The following IQSEC2 variants were observed in gnomAD, a reference collection of about 807,000 sequenced individuals.
The protein encoded by IQSEC2 is IQ motif and Sec7 domain ArfGEF 2.
IQSEC2 carries 6 observed loss-of-function variants against 74.6 expected under a neutral mutation model. The observed-to-expected ratio is 0.08, with a 90% CI of 0.04 to 0.16. IQSEC2 has a LOEUF of 0.16. Among genes scored for constraint, IQSEC2 ranks in the 10% least tolerant of loss-of-function variants. IQSEC2 has a pLI of 1.00. For synonymous variants in IQSEC2, 494 were observed against 544.5 expected (o/e 0.91, Z 1.29); for missense variants, 734 against 1,306.2 (o/e 0.56, Z 6.75).
chrX:53,315,489 G>A (rs782775312), intron 1 of IQSEC2, among the ~76,000 whole-genome samples: 1 of 111,639 alleles, frequency 9.0e-6, no homozygotes, highest in African/African-American at 3.3e-5. Flanking sequence ...GGACCCTGAA[G>A]CCCAACTCCC....
intron 2 of IQSEC2, among the ~76,000 whole-genome samples, chrX:53,273,755 C>T (rs184656274): frequency 1.3e-4 from 15 of 112,173 alleles, no homozygotes; most frequent in Admixed American, 5.6e-4. Flanking sequence ...TCTTGCTGTG[C>T]GAGTATATAC....
At chrX:53,249,525 C>T (rs1490853708) in intron 5 of IQSEC2, among the ~76,000 whole-genome samples, 2 of 111,944 alleles carry the variant, frequency 1.8e-5, no homozygotes, top group African/African-American at 6.5e-5. Context: ...TTTTGCTTCT[C>T]CAAGCCTTGG....
chrX:53,312,004 G>A (rs781872232), intron 1 of IQSEC2, among the ~76,000 whole-genome samples: 10 of 111,334 alleles, frequency 9.0e-5, no homozygotes, highest in South Asian at 7.5e-4. Flanking sequence ...GATGTGAGCC[G>A]GCCAACCCTC....
At position 53,233,999 on chromosome X, in the gene IQSEC2, G is replaced by A. The variant is rs1458186234; in HGVS notation, c.*220C>T. 4 of 302,776 alleles carry A rather than the reference G, an allele frequency of 1.3e-5. No individual in the cohort carries two copies. The highest frequency in any genetic ancestry group is 2.8e-5 in the African/African-American group (1 of 35,940). 25.0% of individuals were successfully genotyped at this position (302,776 alleles called of 1,213,427 possible). A position where few individuals can be genotyped will look rare whatever the true frequency, so the allele number is the denominator to read the frequency against. On this transcript the variant is annotated 3_prime_UTR_variant, in exon 15 of 15. Transcript: ENST00000642864. The stretch of plus-strand genomic sequence containing the variant: ...ACTCCCCAGCGCTGGAGCACCCTGA[G>A]TCCAGGCTTCAAGTGGCAAGGATCC...
At chrX:53,295,711 A>C (rs782370304) in intron 1 of IQSEC2, among the ~76,000 whole-genome samples, 2 of 109,844 alleles carry the variant, frequency 1.8e-5, no homozygotes, top group South Asian at 7.9e-4. Context: ...GGGAAGACAG[A>C]GCAGAATGAC....
Position 53,248,021 on chromosome X carries a change from A to G in IQSEC2, c.2582+93T>C, listed in dbSNP as rs183039615. 76 of 1,033,422 alleles carry G rather than the reference A, an allele frequency of 7.4e-5. No individual in the cohort carries two copies. In the East Asian group the frequency reaches 2.3e-3, roughly 31 times the overall value. The allele number at this position is 1,033,422 out of a possible 1,213,427, so 85.2% of individuals were successfully genotyped here. A position where few individuals can be genotyped will look rare whatever the true frequency, so the allele number is the denominator to read the frequency against. On this transcript the variant is annotated intron_variant, in intron 7 of 14. Coordinates refer to ENST00000642864, the MANE Select transcript of IQSEC2 (RefSeq NM_001111125.3). ...TATCATCTCTGTTTTATGGTGAAGAAAGTATGAGGCTCAGAGAAGTGACTT... is the reference window on the plus strand; with the variant it reads ...TATCATCTCTGTTTTATGGTGAAGAGAGTATGAGGCTCAGAGAAGTGACTT...
Position 53,234,161 on chromosome X carries a change from G to C in IQSEC2, c.*58C>G. ...AACCGAGGAAGCAAAGAGGGTGCAA[G>C]GTCCCTCTCCTGTGGCTCCCCAGAC... On this transcript the variant is annotated 3_prime_UTR_variant, in exon 15 of 15. Coordinates refer to ENST00000642864, the MANE Select transcript of IQSEC2 (RefSeq NM_001111125.3). 3 of 490,973 alleles carry C rather than the reference G, an allele frequency of 6.1e-6. No individual in the cohort carries two copies. The East Asian group carries it at 1.3e-4, about 21-fold the overall frequency. 40.5% of individuals were successfully genotyped at this position (490,973 alleles called of 1,213,427 possible). A position where few individuals can be genotyped will look rare whatever the true frequency, so the allele number is the denominator to read the frequency against.
intron 2 of IQSEC2, among the ~76,000 whole-genome samples, chrX:53,271,042 CA>C (rs369719628): frequency 0.032 from 3,361 of 105,478 alleles, 137 homozygotes; most frequent in African/African-American, 0.11. Context: ...AACTGCCTAC[CA>C]AAAAAAAAAT....
intron 2 of IQSEC2, chrX:53,267,043 C>G (rs918493636): frequency 6.7e-6 from 7 of 1,039,149 alleles, no homozygotes; most frequent in Non-Finnish European, 8.8e-6. Flanking sequence ...CTTCCTCAGT[C>G]TCCTCCTCCT....
intron 2 of IQSEC2, among the ~76,000 whole-genome samples, chrX:53,274,452 CTTTTTTTTTTTTTTTTTT>C: frequency 2.1e-5 from 1 of 47,113 alleles, no homozygotes; most frequent in South Asian, 3.0e-3. Flanking sequence ...AGTTACATTT[CTTTTTTTTTTTTTTTTTT>C]TTTTTTTTTG....
chrX:53,236,034 T>G (rs2074123514), intron 13 of IQSEC2, among the ~76,000 whole-genome samples: 1 of 103,121 alleles, frequency 9.7e-6, no homozygotes, highest in African/African-American at 3.6e-5. Flanking sequence ...GAAGGAGGAG[T>G]GGAGGTACAG....
intron 1 of IQSEC2, among the ~76,000 whole-genome samples, chrX:53,317,294 C>G (rs1556879345): frequency 1.8e-5 from 2 of 111,771 alleles, no homozygotes; most frequent in African/African-American, 6.5e-5. Context: ...CTCACTCTAT[C>G]TGCACTAGAA....
At chrX:53,319,648 C>G (rs1007586134) in intron 1 of IQSEC2, among the ~76,000 whole-genome samples, 19 of 111,917 alleles carry the variant, frequency 1.7e-4, no homozygotes, top group Non-Finnish European at 2.6e-4. Flanking sequence ...GTCCCACCAA[C>G]CCAAGAGATA....
intron 3 of IQSEC2, 131 bp downstream of exon 3, chrX:53,255,669 T>C: frequency 1.3e-6 from 1 of 781,659 alleles, no homozygotes; most frequent in Non-Finnish European, 1.9e-6. Flanking sequence ...TGAAGGGTCC[T>C]GGGCCAGTCT....
intron 9 of IQSEC2, 120 bp from the exon 10 acceptor site, chrX:53,242,029 A>AC: frequency 1.1e-5 from 10 of 884,857 alleles, no homozygotes; most frequent in East Asian, 3.4e-5. Context: ...ACTCTGACAC[A>AC]AGGGGTATCA....
At chrX:53,228,072 C>T (rs999331929), downstream of IQSEC2, among the ~76,000 whole-genome samples, 1 of 111,158 alleles carries the variant, frequency 9.0e-6, no homozygotes, top group African/African-American at 3.3e-5. Flanking sequence ...CTTCCTGAGC[C>T]TTGATTTTCT....
rs2074087995 is a variant in IQSEC2 at position 53,234,165 on chromosome X, C to A, written c.*54G>T. ...GAGGAAGCAAAGAGGGTGCAAGGTC[C>A]CTCTCCTGTGGCTCCCCAGACTTTC... On this transcript the variant is annotated 3_prime_UTR_variant, in exon 15 of 15. Coordinates refer to ENST00000642864, the MANE Select transcript of IQSEC2 (RefSeq NM_001111125.3). 5.7e-6 allele frequency: 3 copies of A among 524,409 alleles called. No individual in the cohort carries two copies. In the Admixed American group the frequency reaches 1.4e-4, roughly 24 times the overall value. The allele number at this position is 524,409 out of a possible 1,213,427, so 43.2% of individuals were successfully genotyped here. A position where few individuals can be genotyped will look rare whatever the true frequency, so the allele number is the denominator to read the frequency against.
intron 2 of IQSEC2, among the ~76,000 whole-genome samples, chrX:53,275,792 C>T (rs2074821782): frequency 1.1e-5 from 1 of 94,907 alleles, no homozygotes; most frequent in Non-Finnish European, 2.0e-5. Flanking sequence ...CTCCCAGGTT[C>T]ACACCATTCT....
Position 53,314,975 on chromosome X carries a change from C to G in IQSEC2, c.707+5442G>C, listed in dbSNP as rs188677672. Among the ~76,000 whole-genome samples the G allele has an allele frequency of 2.7e-3, 305 of 111,926 alleles. 1 individual carries two copies. The highest frequency in any genetic ancestry group is 9.2e-3 in the African/African-American group (282 of 30,803). ...GAGTAGCTCTGATGTCTTTAAAGCCCACCTGCGGGAGGCAGCGGTGTACCA... is the reference window on the plus strand; with the variant it reads ...GAGTAGCTCTGATGTCTTTAAAGCCGACCTGCGGGAGGCAGCGGTGTACCA... On this transcript the variant is annotated intron_variant, in intron 1 of 14. Transcript: ENST00000642864.
Sources: allele counts gnomAD v4.1 joint callset (sites outside exome capture counted in the v4.1 genomes callset), GRCh38; gene constraint gnomAD v4.1.1; transcripts MANE v1.5; gene names NCBI Gene and HGNC (gene_info 2026-07-23, HGNC 2026-07-21).